The following LOXHD1 variants were observed in gnomAD, a reference collection of about 807,000 sequenced individuals.
LOXHD1 encodes the protein lipoxygenase homology domain-containing protein 1.
Under a neutral mutation model 248.2 loss-of-function variants are expected in LOXHD1, and 205 were observed. The ratio of observed to expected loss-of-function variants is 0.83; its 90% CI spans 0.74 to 0.93. The LOEUF is 0.93. Among genes scored for constraint, LOXHD1 ranks in the 40% least tolerant of loss-of-function variants. The pLI, the probability that LOXHD1 is intolerant of heterozygous loss-of-function variation, is 0.00. For synonymous variants in LOXHD1, 1,113 were observed against 1,162.8 expected, an observed-to-expected ratio of 0.96 and a Z score of 0.87; for missense variants, 2,930 against 2,971.6, an observed-to-expected ratio of 0.99 and a Z score of 0.33.
chr18:46,565,604 G>A (rs2037624237), intron 17 of LOXHD1, among the ~76,000 whole-genome samples: 2 of 152,120 alleles, frequency 1.3e-5, no homozygotes, highest in South Asian at 4.1e-4. Flanking sequence ...AAGCATACCC[G>A]AATCTGAGGA....
chr18:46,649,067 C>T (rs1227053051), intron 2 of LOXHD1, 88 bp downstream of exon 2: 2 of 1,078,574 alleles, frequency 1.9e-6, no homozygotes, highest in Non-Finnish European at 1.4e-6. Flanking sequence ...GTGCCTTCTC[C>T]CCAGAGAAGC....
At chr18:46,534,511 G>A (rs563400456) in intron 26 of LOXHD1, 60 bp from the exon 27 acceptor site, 324 of 1,241,220 alleles carry the variant, frequency 2.6e-4, no homozygotes, top group African/African-American at 1.0e-3. Flanking sequence ...GTATGGCCTT[G>A]GCAACATCCT....
intron 9 of LOXHD1, among the ~76,000 whole-genome samples, chr18:46,594,023 C>A (rs970248098): frequency 1.3e-5 from 2 of 152,154 alleles, no homozygotes; most frequent in African/African-American, 4.8e-5. Flanking sequence ...ACTCCACCCA[C>A]CCTATGTCCA....
rs1348573475 is a variant in LOXHD1 at position 46,509,829 on chromosome 18, G to C, written c.5400-14C>G. 7.9e-6 allele frequency: 12 copies of C among 1,522,800 alleles called. No homozygotes were observed. The highest frequency in any genetic ancestry group is 1.4e-5 in the African/African-American group (1 of 72,112). 94.3% of individuals were successfully genotyped at this position (1,522,800 alleles called of 1,614,324 possible). On this transcript the variant is annotated splice_polypyrimidine_tract_variant and intron_variant, in intron 34 of 40. Transcript: ENST00000642948. The stretch of plus-strand genomic sequence containing the variant: ...TCCCGCTCAAACCTGGGGGTGGAGA[G>C]GAGGGGCATGAAGAAGGGAAGCTGG...
intron 38 of LOXHD1, among the ~76,000 whole-genome samples, chr18:46,486,922 C>T (rs1000268451): frequency 6.6e-6 from 1 of 152,144 alleles, no homozygotes; most frequent in Non-Finnish European, 1.5e-5. Flanking sequence ...TTTCAATCAG[C>T]ATATTTTCAC....
At chr18:46,642,498 C>T (rs1568231003) in intron 2 of LOXHD1, among the ~76,000 whole-genome samples, 1 of 152,178 alleles carries the variant, frequency 6.6e-6, no homozygotes, top group Non-Finnish European at 1.5e-5. Context: ...GCAATGGCAG[C>T]CCCAAGTAGA....
chr18:46,626,572 G>T (rs545693278), intron 4 of LOXHD1, among the ~76,000 whole-genome samples: 284 of 152,200 alleles, frequency 1.9e-3, no homozygotes, highest in Non-Finnish European at 3.2e-3. Flanking sequence ...AATAACAGAA[G>T]ATGATTTGAG....
intron 11 of LOXHD1, 39 bp downstream of exon 11, chr18:46,592,459 T>TC: frequency 6.7e-7 from 1 of 1,496,630 alleles, no homozygotes; most frequent in Non-Finnish European, 9.1e-7. Context: ...CTTGTTCCTT[T>TC]CCCAACAACC....
intron 33 of LOXHD1, 76 bp from the exon 34 acceptor site, chr18:46,518,332 G>T: frequency 6.7e-7 from 1 of 1,498,510 alleles, no homozygotes; most frequent in South Asian, 1.3e-5. Context: ...AGTCTCACCA[G>T]AGAAAGAGAC....
At chr18:46,592,897 C>T (rs901597378) in intron 10 of LOXHD1, among the ~76,000 whole-genome samples, 2 of 152,208 alleles carry the variant, frequency 1.3e-5, no homozygotes, top group Admixed American at 1.3e-4. Context: ...GTAACAAAAT[C>T]TATAGGGCAG....
Position 46,521,135 on chromosome 18 carries a change from C to T in LOXHD1, c.5233G>A (p.Asp1745Asn), listed in dbSNP as rs1020724757. The T allele has an allele frequency of 2.4e-5, 37 of 1,551,606 alleles. No homozygotes were observed. The Admixed American group carries it at 5.5e-4, about 23-fold the overall frequency. ...RGDGITSRVF[D>N]LLDAMVVNIG... ...TTCACCACCATGGCATCCAAGAGGTCGAAGACACGGGAGGTGATGCCGTCG... is the reference window on the plus strand; with the variant it reads ...TTCACCACCATGGCATCCAAGAGGTTGAAGACACGGGAGGTGATGCCGTCG... The change falls in exon 33 of 41, where the codon GAC becomes AAC. Residue 1745 changes from aspartate (D) to asparagine (N), a missense_variant. By Grantham distance (23) the Asp-to-Asn change is conservative (BLOSUM62 1). Coordinates refer to ENST00000642948, the MANE Select transcript of LOXHD1 (RefSeq NM_001384474.1).
At chr18:46,624,745 G>A (rs2038717047) in intron 4 of LOXHD1, among the ~76,000 whole-genome samples, 1 of 152,114 alleles carries the variant, frequency 6.6e-6, no homozygotes, top group African/African-American at 2.4e-5. Context: ...ACAAGGCACT[G>A]GGACGATGGA....
intron 7 of LOXHD1, among the ~76,000 whole-genome samples, chr18:46,602,436 C>T (rs1376499349): frequency 6.6e-6 from 1 of 152,012 alleles, no homozygotes; most frequent in Non-Finnish European, 1.5e-5. Context: ...GAACCCCTGG[C>T]CTCAAGTGAT....
rs2039075399 is a variant in LOXHD1, at chr18:46,649,207, T to A, written c.193A>T (p.Ile65Phe). The change falls in exon 2 of 41, where the codon ATC becomes TTC. Residue 65 changes from isoleucine to phenylalanine, a missense_variant. Transcript: ENST00000642948. ...AGCCCATTCTCTCCAAAAAGCGTGA[T>A]GAAGACATTGGCATCCGTCCCTGCA... Reference protein sequence around the residue: ...RGAGTDANVFITLFGENGLSP... With the variant: ...RGAGTDANVFFTLFGENGLSP... 6 of 1,551,692 alleles carry A rather than the reference T, an allele frequency of 3.9e-6. No homozygotes were observed. The highest frequency in any genetic ancestry group is 5.2e-6 in the Non-Finnish European group (6 of 1,147,030).
At chr18:46,481,893 C>T (rs1384684235) in intron 40 of LOXHD1, among the ~76,000 whole-genome samples, 1 of 152,158 alleles carries the variant, frequency 6.6e-6, no homozygotes, top group Non-Finnish European at 1.5e-5. Context: ...TCTCGGCCAA[C>T]ATTGTGGGTT....
intron 12 of LOXHD1, among the ~76,000 whole-genome samples, chr18:46,581,894 A>G (rs997695888): frequency 2.0e-5 from 3 of 152,232 alleles, no homozygotes; most frequent in African/African-American, 7.2e-5. Flanking sequence ...AAGCAGTGGG[A>G]TGATATATTC....
chr18:46,487,201 A>G (rs2033120021), intron 38 of LOXHD1, among the ~76,000 whole-genome samples: 1 of 152,208 alleles, frequency 6.6e-6, no homozygotes, highest in Non-Finnish European at 1.5e-5. Context: ...CAGCAAAGCT[A>G]CTGTGGGCTT....
intron 34 of LOXHD1, among the ~76,000 whole-genome samples, chr18:46,513,755 T>A (rs1384283871): frequency 6.6e-6 from 1 of 152,248 alleles, no homozygotes; most frequent in Non-Finnish European, 1.5e-5. Flanking sequence ...ATTCTGTTGT[T>A]TTAATTACCA....
At chr18:46,633,796 A>T (rs2038858100) in intron 4 of LOXHD1, among the ~76,000 whole-genome samples, 1 of 152,246 alleles carries the variant, frequency 6.6e-6, no homozygotes, top group Admixed American at 6.5e-5. Flanking sequence ...AACTTAATTT[A>T]AAAATGGATG....
Sources: gnomAD v4.1 joint callset for allele counts (sites outside exome capture counted in the v4.1 genomes callset) on GRCh38, gnomAD v4.1.1 for gene constraint, MANE v1.5 for transcripts, NCBI Gene and HGNC (gene_info 2026-07-23, HGNC 2026-07-21) for gene names.